THBS1: variants seen among roughly 807,000 people sequenced by gnomAD.
THBS1 encodes the protein thrombospondin 1.
THBS1 carries 29 observed loss-of-function variants against 126.1 expected under a neutral mutation model. The ratio of observed to expected loss-of-function variants is 0.23; its 90% confidence interval spans 0.17 to 0.31. The LOEUF (loss-of-function observed/expected upper bound fraction) is 0.31. Among genes scored for constraint, THBS1 ranks in the 10% least tolerant of loss-of-function variants. The pLI, the probability that THBS1 is intolerant of heterozygous loss-of-function variation, is 1.00. For synonymous variants in THBS1, 496 were observed against 577.8 expected, an observed-to-expected ratio of 0.86 and a Z score of 2.03; for missense variants, 1,198 against 1,545.2, an observed-to-expected ratio of 0.78 and a Z score of 3.77.
Position 39,591,320 on chromosome 15 carries a change from G to A in THBS1, c.2383G>A (p.Asp795Asn). The change falls in exon 15 of 22, where the codon GAC (aspartate) becomes AAC (asparagine). Residue 795 changes from aspartate (D) to asparagine (N), a missense_variant. Asp to Asn is a conservative substitution (Grantham distance 23). Coordinates refer to ENST00000260356, the MANE Select transcript of THBS1 (RefSeq NM_003246.4). The stretch of plus-strand genomic sequence containing the variant: ...AGACACAGACAACAATGGGGAAGGA[G>A]ACGCCTGTGCTGCAGACATTGATGG... ...QADTDNNGEG[D>N]ACAADIDGDG... The A allele has an allele frequency of 6.2e-7, 1 of 1,614,190 alleles. No homozygotes were observed. The highest frequency in any genetic ancestry group is 1.1e-5 in the South Asian group (1 of 91,084).
Position 39,590,521 on chromosome 15 carries a change from T to C in THBS1, c.2151T>C (p.Asn717=). The change falls in exon 14 of 22, where the codon AAT becomes AAC. Residue 717 remains asparagine (N), a synonymous_variant. Coordinates refer to ENST00000260356, the MANE Select transcript of THBS1 (RefSeq NM_003246.4). The part of the protein sequence containing the change: ...ANATYHCKKD[N]CPNLPNSGQE... ...ATATATCTTCTCTTTCCTAGGATAATTGCCCCAACCTTCCCAACTCAGGGC... is the reference window on the plus strand; with the variant it reads ...ATATATCTTCTCTTTCCTAGGATAACTGCCCCAACCTTCCCAACTCAGGGC... The C allele has an allele frequency of 6.2e-7, 1 of 1,612,850 alleles. No homozygotes were observed. Among genetic ancestry groups the C allele is most frequent in the Non-Finnish European group, 8.5e-7 (1 of 1,179,480 alleles).
chr15:39,587,137 G>A (rs1358946425), intron 7 of THBS1: 4 of 403,572 alleles, frequency 9.9e-6, no homozygotes, highest in Non-Finnish European at 1.3e-5. Context: ...TTAGCTTGAC[G>A]GTGGTAATCA....
chr15:39,587,338 C>A lies in THBS1; in HGVS notation c.1121-9C>A, dbSNP rs902865328. 4 of 1,607,386 alleles carry A rather than the reference C, an allele frequency of 2.5e-6. No homozygotes were observed. The highest frequency in any genetic ancestry group is 1.7e-6 in the Non-Finnish European group (2 of 1,175,734). On this transcript the variant is annotated splice_polypyrimidine_tract_variant and intron_variant, in intron 7 of 21. Coordinates refer to ENST00000260356, the MANE Select transcript of THBS1 (RefSeq NM_003246.4). Reference sequence around the variant, plus strand: ...TCACGTACCTGATGAACCTCTGTTTCCCCTGCAGCCAGCGACTCTGCGGAC... The same window carrying A: ...TCACGTACCTGATGAACCTCTGTTTACCCTGCAGCCAGCGACTCTGCGGAC...
intron 10 of THBS1, 58 bp downstream of exon 10, chr15:39,588,757 T>G: frequency 1.3e-6 from 2 of 1,553,486 alleles, no homozygotes; most frequent in Non-Finnish European, 1.7e-6. Flanking sequence ...TACTGAATGC[T>G]GCAGTCAGCA....
rs532025950 is a variant in THBS1, at chr15:39,589,119, T to C, written c.1773+33T>C. 2.5e-6 allele frequency: 4 copies of C among 1,612,600 alleles called. No individual in the cohort carries two copies. The highest frequency in any genetic ancestry group is 1.3e-5 in the African/African-American group (1 of 74,888). ...ACTGATGGGGCTCCGAGTTTCTGGA[T>C]CTAGGAAAGCAGCTAACCTGTGCAG... On this transcript the variant is annotated intron_variant, in intron 11 of 21. Coordinates refer to ENST00000260356, the MANE Select transcript of THBS1 (RefSeq NM_003246.4). The surrounding 1 kb of genome is among the most constrained non-coding windows in gnomAD (Gnocchi z 4.7).
In THBS1 at chr15:39,593,707, G is replaced by C; in HGVS notation, c.3267+39G>C. 3 of 1,604,752 alleles carry C rather than the reference G, an allele frequency of 1.9e-6. No homozygotes were observed. Among genetic ancestry groups the C allele is most frequent in the Non-Finnish European group, 2.6e-6 (3 of 1,175,528 alleles). Reference sequence around the variant, plus strand: ...CCCTGGAACAGAGAGAGAGCTTATGGGTGCCTGACTAGCACTGGGGATGCT... The same window carrying C: ...CCCTGGAACAGAGAGAGAGCTTATGCGTGCCTGACTAGCACTGGGGATGCT... On this transcript the variant is annotated intron_variant, in intron 19 of 21. Coordinates refer to ENST00000260356, the MANE Select transcript of THBS1 (RefSeq NM_003246.4). The surrounding 1 kb of genome is among the most constrained non-coding windows in gnomAD (Gnocchi z 5.9).
In THBS1 at chr15:39,594,407, G is replaced by A. The variant is rs779428796; in HGVS notation, c.3472G>A (p.Val1158Met). Residue 1158 changes from valine to methionine, a missense_variant, in exon 21 of 22, where the codon GTG (valine) becomes ATG (methionine). By Grantham distance (21) the Val-to-Met change is conservative (BLOSUM62 1). Around this residue, in one of 4 missense-constraint regions of THBS1, gnomAD observed 255 missense variants for 373.9 expected, o/e 0.68. Transcript: ENST00000260356. The surrounding 1 kb of genome is among the most constrained non-coding windows in gnomAD (Gnocchi z 4.4). Reference protein sequence around the residue: ...LGLFVFSQEMVFFSDLKYECR... With the variant: ...LGLFVFSQEMMFFSDLKYECR... ...GTTGTTTGTCTTCTCTCAAGAAATG[G>A]TGTTCTTCTCTGACCTGAAATACGA... 1 of 1,614,180 alleles carries A rather than the reference G, an allele frequency of 6.2e-7. No homozygotes were observed. Among genetic ancestry groups the A allele is most frequent in the East Asian group, 2.2e-5 (1 of 44,886 alleles).
chr15:39,593,736 C>A lies in THBS1; in HGVS notation c.3267+68C>A. Reference sequence around the variant, plus strand: ...CCTGACTAGCACTGGGGATGCTGTGCTTTGACCAAGACTCTGACCAGGGAG... The same window carrying A: ...CCTGACTAGCACTGGGGATGCTGTGATTTGACCAAGACTCTGACCAGGGAG... On this transcript the variant is annotated intron_variant, in intron 19 of 21. Coordinates refer to ENST00000260356, the MANE Select transcript of THBS1 (RefSeq NM_003246.4). The surrounding 1 kb of genome is among the most constrained non-coding windows in gnomAD (Gnocchi z 5.9). 6.4e-7 allele frequency: 1 copy of A among 1,570,780 alleles called. No individual in the cohort carries two copies. The highest frequency in any genetic ancestry group is 8.6e-7 in the Non-Finnish European group (1 of 1,158,904).
In THBS1 at chr15:39,591,200, C is replaced by T; in HGVS notation, c.2263C>T (p.Pro755Ser). Residue 755 changes from proline to serine, a missense_variant, in exon 15 of 22, where the codon CCA becomes TCA. Physicochemically the swap from Pro to Ser is moderately conservative, Grantham distance 74. Around this residue, in one of 4 missense-constraint regions of THBS1, gnomAD observed 663 missense variants for 860.1 expected, o/e 0.77. Transcript: ENST00000260356. The stretch of plus-strand genomic sequence containing the variant: ...TTTCTTCTCTTTGCAGGACAACTGT[C>T]CATTCCATTACAACCCAGCTCAGTA... ...DKIPDDRDNCPFHYNPAQYDY... is the reference protein window; with the variant it reads ...DKIPDDRDNCSFHYNPAQYDY... 1 of 1,613,876 alleles carries T rather than the reference C, an allele frequency of 6.2e-7. No homozygotes were observed. Among genetic ancestry groups the T allele is most frequent in the Non-Finnish European group, 8.5e-7 (1 of 1,179,910 alleles).
rs145831955 is a variant in THBS1, at chr15:39,593,668, G to C, written c.3267G>C (p.Gln1089His). 1,364 of 1,612,790 alleles carry C rather than the reference G, an allele frequency of 8.5e-4. 8 individuals are homozygous for C. The highest frequency in any genetic ancestry group is 4.8e-4 in the Non-Finnish European group (568 of 1,179,762). ...ALWHTGNTPG[Q>H]VRTLWHDPRH... ...GGCACACAGGAAACACCCCTGGCCAGGTAAGAAGCAAAGCCCTGGAACAGA... is the reference window on the plus strand; with the variant it reads ...GGCACACAGGAAACACCCCTGGCCACGTAAGAAGCAAAGCCCTGGAACAGA... The change falls in exon 19 of 22, where the codon CAG (glutamine) becomes CAC (histidine). Residue 1089 changes from glutamine (Q) to histidine (H), a missense_variant and splice_region_variant. By Grantham distance (24) the Gln-to-His change is conservative. Transcript: ENST00000260356. This position sits in a 1 kb window ranked among gnomAD's most constrained non-coding sequence, Gnocchi z 5.9.
Position 39,582,706 on chromosome 15 carries a change from T to C in THBS1, c.581T>C (p.Ile194Thr). 6.2e-7 allele frequency: 1 copy of C among 1,613,384 alleles called. No homozygotes were observed. Among genetic ancestry groups the C allele is most frequent in the South Asian group, 1.1e-5 (1 of 91,064 alleles). Residue 194 changes from isoleucine to threonine, a missense_variant, in exon 3 of 22, where the codon ATC (isoleucine) becomes ACC (threonine). This residue lies in a region of THBS1 where 271 missense variants were observed against 277.0 expected (regional missense o/e 0.98). Transcript: ENST00000260356. ...GTCTTCACCAGAGACCTGGCCAGCATCGCCAGACTCCGCATCGCAAAGGGG... is the reference window on the plus strand; with the variant it reads ...GTCTTCACCAGAGACCTGGCCAGCACCGCCAGACTCCGCATCGCAAAGGGG... ...QSVFTRDLASIARLRIAKGGV... is the reference protein window; with the variant it reads ...QSVFTRDLASTARLRIAKGGV...
At chr15:39,588,282 C>A in intron 9 of THBS1, 64 bp downstream of exon 9, 1 of 1,555,484 alleles carries the variant, frequency 6.4e-7, no homozygotes, top group Non-Finnish European at 8.7e-7. Flanking sequence ...GGTTGCCTGG[C>A]ATCTGCAGCC....
chr15:39,593,061 T>A lies in THBS1; in HGVS notation c.2829T>A (p.Asp943Glu), dbSNP rs142367680. The change falls in exon 18 of 22, where the codon GAT becomes GAA. Residue 943 changes from aspartate to glutamate, a missense_variant. By Grantham distance (45) the Asp-to-Glu change is conservative. Transcript: ENST00000260356. The surrounding 1 kb of genome is among the most constrained non-coding windows in gnomAD (Gnocchi z 5.9). ...DFDHDSVPDI[D>E]DICPENVDIS... ...ACCATGACAGTGTGCCAGACATCGA[T>A]GACATCTGTCCTGAGAATGTTGACA... 6.2e-7 allele frequency: 1 copy of A among 1,607,794 alleles called. No individual in the cohort carries two copies. Among genetic ancestry groups the A allele is most frequent in the East Asian group, 2.2e-5 (1 of 44,882 alleles).
At position 39,596,931 on chromosome 15, in the gene THBS1, C is replaced by T. The variant is rs954527197; in HGVS notation, c.*1562C>T. 2 of 152,084 alleles carry T rather than the reference C, an allele frequency of 1.3e-5. No homozygotes were observed. Among genetic ancestry groups the T allele is most frequent in the East Asian group, 1.9e-4 (1 of 5,190 alleles). 9.4% of individuals were successfully genotyped at this position (152,084 alleles called of 1,614,324 possible). ...CTGAGTAAAGAATTTTTGGATCAAG[C>T]GGAAAGAGTTTAAGTGTCTAACAAA... is the stretch of plus-strand genomic sequence containing the variant. On this transcript the variant is annotated 3_prime_UTR_variant, in exon 22 of 22. Transcript: ENST00000260356.
rs1016250399 is a variant in THBS1 at position 39,593,065 on chromosome 15, A to C, written c.2833A>C (p.Ile945Leu). ...DHDSVPDIDD[I>L]CPENVDISET... ...TGACAGTGTGCCAGACATCGATGAC[A>C]TCTGTCCTGAGAATGTTGACATCAG... Residue 945 changes from isoleucine (I) to leucine (L), a missense_variant, in exon 18 of 22, where the codon ATC becomes CTC. By Grantham distance (5) the Ile-to-Leu change is conservative. This residue lies in a region of THBS1 where 255 missense variants were observed against 373.9 expected (regional missense o/e 0.68). Coordinates refer to ENST00000260356, the MANE Select transcript of THBS1 (RefSeq NM_003246.4). The surrounding 1 kb of genome is among the most constrained non-coding windows in gnomAD (Gnocchi z 5.9). 6.2e-7 allele frequency: 1 copy of C among 1,606,736 alleles called. No homozygotes were observed. Among genetic ancestry groups the C allele is most frequent in the Non-Finnish European group, 8.5e-7 (1 of 1,176,612 alleles).
chr15:39,592,889 G>T lies in THBS1; in HGVS notation c.2767+87G>T. 2 of 1,549,474 alleles carry T rather than the reference G, an allele frequency of 1.3e-6. No homozygotes were observed. Among genetic ancestry groups the T allele is most frequent in the South Asian group, 2.3e-5 (2 of 85,466 alleles). On this transcript the variant is annotated intron_variant, in intron 17 of 21. Coordinates refer to ENST00000260356, the MANE Select transcript of THBS1 (RefSeq NM_003246.4). This position sits in a 1 kb window ranked among gnomAD's most constrained non-coding sequence, Gnocchi z 4.3. ...AATGAAACCAAGGCTCAAAGCATTTGACAGGATGAAGGGACCAAATGCCAA... is the reference window on the plus strand; with the variant it reads ...AATGAAACCAAGGCTCAAAGCATTTTACAGGATGAAGGGACCAAATGCCAA...
chr15:39,584,488 A>G, intron 6 of THBS1, 66 bp downstream of exon 6: 13 of 1,595,780 alleles, frequency 8.1e-6, no homozygotes, highest in Non-Finnish European at 1.1e-5. Flanking sequence ...TCTTTGGGGA[A>G]ATACCCTAAT....
chr15:39,590,459 A>G, intron 13 of THBS1, 57 bp from the exon 14 acceptor site: 1 of 1,355,604 alleles, frequency 7.4e-7, no homozygotes, highest in Non-Finnish European at 1.0e-6. Context: ...TCCCTCGTGC[A>G]TGAGCTCAGC....
rs759941974 is a variant in THBS1 at position 39,588,685 on chromosome 15, A to G, written c.1631A>G (p.Gln544Arg). 8 of 1,580,882 alleles carry G rather than the reference A, an allele frequency of 5.1e-6. No homozygotes were observed. The Admixed American group carries it at 1.1e-4, about 22-fold the overall frequency. The change falls in exon 10 of 22, where the codon CAG (glutamine) becomes CGG (arginine). Residue 544 changes from glutamine (Q) to arginine (R), a missense_variant. Gln to Arg is a conservative substitution (Grantham distance 43). Transcript: ENST00000260356. ...DVTENQICNKQDCPIDGCLSN... is the reference protein window; with the variant it reads ...DVTENQICNKRDCPIDGCLSN... Reference sequence around the variant, plus strand: ...ACAGAAAACCAGATCTGCAACAAGCAGGACTGTCCAATTGGTGAGCCACGC... The same window carrying G: ...ACAGAAAACCAGATCTGCAACAAGCGGGACTGTCCAATTGGTGAGCCACGC...
Sources: allele counts gnomAD v4.1 joint callset, GRCh38; gene constraint gnomAD v4.1.1; regional missense constraint gnomAD v4.1.1; non-coding constraint Gnocchi (gnomAD v3.1); transcripts MANE v1.5; gene names NCBI Gene and HGNC (gene_info 2026-07-23, HGNC 2026-07-21).